MAPKAP1: variants seen among roughly 807,000 people sequenced by gnomAD.
MAPKAP1 encodes target of rapamycin complex 2 subunit MAPKAP1.
A neutral mutation model predicts 65.7 loss-of-function variants in MAPKAP1; 20 were observed. The observed-to-expected ratio is 0.30, with a 90% CI of 0.21 to 0.44. MAPKAP1 has a LOEUF of 0.44. Among genes scored for constraint, MAPKAP1 ranks in the 20% least tolerant of loss-of-function variants. The pLI is 1.00. For missense variants in MAPKAP1, 423 were observed against 648.0 expected (o/e 0.65, Z 3.77); for synonymous variants, 222 against 244.3 (o/e 0.91, Z 0.85).
intron 4 of MAPKAP1, chr9:125,650,437 T>C (rs1002689443): frequency 6.6e-6 from 1 of 152,326 alleles, no homozygotes; most frequent in African/African-American, 2.4e-5. Flanking sequence ...CAACTTTCTT[T>C]TGGTTCCTCA....
At chr9:125,497,541 C>G (rs1285109794) in intron 8 of MAPKAP1, among the ~76,000 whole-genome samples, 3 of 152,142 alleles carry the variant, frequency 2.0e-5, no homozygotes, top group African/African-American at 7.2e-5. Context: ...ACTACATGGC[C>G]TAAAATGTTG....
intron 10 of MAPKAP1, among the ~76,000 whole-genome samples, chr9:125,453,715 T>C (rs948858377): frequency 1.3e-5 from 2 of 152,252 alleles, no homozygotes; most frequent in African/African-American, 2.4e-5. Flanking sequence ...TGTAACATCA[T>C]GCAGTAGTCT....
intron 4 of MAPKAP1, among the ~76,000 whole-genome samples, chr9:125,611,257 A>T (rs1832592954): frequency 1.3e-5 from 2 of 152,224 alleles, no homozygotes; most frequent in Non-Finnish European, 2.9e-5. Flanking sequence ...TTTTTACAAG[A>T]TCAAAATCAG....
rs1854363307 is a variant in MAPKAP1, at chr9:125,482,718, T to G, written c.1207+1725A>C. ...AAAATGAGTTTTGTTATATGTCATT[T>G]CACTTAAAGTTACAGTTTCCAAGAA... On this transcript the variant is annotated intron_variant, in intron 9 of 11. Transcript: ENST00000265960. 1.3e-5 allele frequency among the ~76,000 whole-genome samples: 2 copies of G among 152,212 alleles called. 1 individual carries two copies. The highest frequency in any genetic ancestry group is 4.1e-4 in the South Asian group (2 of 4,832).
intron 4 of MAPKAP1, among the ~76,000 whole-genome samples, chr9:125,623,072 G>A (rs1183057558): frequency 6.6e-6 from 1 of 150,938 alleles, no homozygotes; most frequent in East Asian, 2.0e-4. Flanking sequence ...TGCCGGGATT[G>A]CAGACGGAGT....
chr9:125,478,280 G>C (rs774257293), intron 9 of MAPKAP1: 2 of 152,112 alleles, frequency 1.3e-5, no homozygotes, highest in Non-Finnish European at 2.9e-5. Context: ...TTTAGGAACT[G>C]GCCAACTAGA....
intron 9 of MAPKAP1, among the ~76,000 whole-genome samples, chr9:125,480,752 C>A (rs1222883814): frequency 6.6e-6 from 1 of 151,486 alleles, no homozygotes; most frequent in Non-Finnish European, 1.5e-5. Context: ...GCGGGTGGAT[C>A]ACAAGGTCAG....
At chr9:125,663,159 C>T (rs1373032078) in intron 3 of MAPKAP1, among the ~76,000 whole-genome samples, 1 of 152,146 alleles carries the variant, frequency 6.6e-6, no homozygotes, top group African/African-American at 2.4e-5. Flanking sequence ...AATACAATTC[C>T]TTACCAGACC....
intron 10 of MAPKAP1, among the ~76,000 whole-genome samples, chr9:125,462,242 A>G (rs1853525833): frequency 6.6e-6 from 1 of 152,200 alleles, no homozygotes; most frequent in Non-Finnish European, 1.5e-5. Flanking sequence ...AACAAGCATG[A>G]ATCCTTCAGC....
intron 1 of MAPKAP1, among the ~76,000 whole-genome samples, chr9:125,690,489 T>C (rs955662569): frequency 6.6e-6 from 1 of 152,196 alleles, no homozygotes; most frequent in Non-Finnish European, 1.5e-5. Flanking sequence ...GGTGGGACCT[T>C]GAGAAAGTAA....
At chr9:125,565,599 C>G (rs946892361) in intron 5 of MAPKAP1, 8 of 346,514 alleles carry the variant, frequency 2.3e-5, no homozygotes, top group African/African-American at 1.8e-4. Flanking sequence ...AGGATTGCAG[C>G]TCAGAAGCTG....
chr9:125,565,449 T>G (rs1280237299), intron 5 of MAPKAP1: 4 of 165,408 alleles, frequency 2.4e-5, no homozygotes, highest in Middle Eastern at 9.3e-4. Flanking sequence ...ATGCTTATTG[T>G]TTTTTTTTTA....
chr9:125,512,808 C>A (rs1264237504), intron 7 of MAPKAP1: 1 of 152,292 alleles, frequency 6.6e-6, no homozygotes, highest in Non-Finnish European at 1.5e-5. Flanking sequence ...TGGTCTCGAT[C>A]TCCTGACCTT....
chr9:125,545,153 T>C (rs998877397), intron 6 of MAPKAP1, among the ~76,000 whole-genome samples: 3 of 152,230 alleles, frequency 2.0e-5, no homozygotes, highest in South Asian at 2.1e-4. Flanking sequence ...GTCCCGGCCA[T>C]TCTTTACCTC....
At chr9:125,622,116 G>A (rs925400590) in intron 4 of MAPKAP1, among the ~76,000 whole-genome samples, 2 of 152,152 alleles carry the variant, frequency 1.3e-5, no homozygotes, top group Non-Finnish European at 2.9e-5. Flanking sequence ...GTAGAATTGT[G>A]GGTATTGGAG....
intron 3 of MAPKAP1, among the ~76,000 whole-genome samples, chr9:125,658,857 C>T (rs1263632364): frequency 1.3e-5 from 2 of 152,006 alleles, no homozygotes; most frequent in South Asian, 2.1e-4. Flanking sequence ...CTTTAAAATC[C>T]GCAATAGACG....
intron 1 of MAPKAP1, among the ~76,000 whole-genome samples, chr9:125,675,829 G>C (rs1006284771): frequency 2.0e-5 from 3 of 152,204 alleles, no homozygotes; most frequent in African/African-American, 7.2e-5. Context: ...TGTGCCAGGT[G>C]TAAGTGTGTG....
chr9:125,580,468 T>C (rs898151475), intron 5 of MAPKAP1, among the ~76,000 whole-genome samples: 3 of 139,432 alleles, frequency 2.2e-5, no homozygotes, highest in Admixed American at 8.3e-5. Context: ...TTCTCACTTA[T>C]AGGTGGGAAC....
At chr9:125,503,826 C>T (rs993877153) in intron 8 of MAPKAP1, among the ~76,000 whole-genome samples, 14 of 147,640 alleles carry the variant, frequency 9.5e-5, no homozygotes, top group South Asian at 4.3e-4. Flanking sequence ...AAGCGATTCT[C>T]GTGCCTCAGC....
Sources: allele counts gnomAD v4.1 joint callset (sites outside exome capture counted in the v4.1 genomes callset), GRCh38; gene constraint gnomAD v4.1.1; transcripts MANE v1.5; gene names NCBI Gene and HGNC (gene_info 2026-07-23, HGNC 2026-07-21).